Variants in MCUB observed in about 807,000 individuals in gnomAD.
MCUB encodes mitochondrial calcium uniporter dominant negative subunit beta.
A neutral mutation model predicts 41.4 loss-of-function variants in MCUB; 46 were observed. The observed-to-expected ratio is 1.11, with a 90% CI of 0.88 to 1.42. The LOEUF is 1.42. Among genes scored for constraint, MCUB ranks in the 40% most tolerant of loss-of-function variants. The probability of loss-of-function intolerance (pLI) is 0.00; values close to 1 mark genes in which losing one functional copy is unlikely to be tolerated. For missense variants in MCUB, 403 were observed against 404.9 expected (o/e 1.00, Z 0.04); for synonymous variants, 148 against 148.2 (o/e 1.00, Z 0.01).
chr4:109,595,614 G>A (rs1156781481), intron 1 of MCUB, among the ~76,000 whole-genome samples: 3 of 152,348 alleles, frequency 2.0e-5, no homozygotes, highest in African/African-American at 7.2e-5. Flanking sequence ...CACATTTCAG[G>A]TGCACCACAA....
intron 1 of MCUB, among the ~76,000 whole-genome samples, chr4:109,608,487 T>C (rs1310780831): frequency 6.6e-5 from 10 of 151,618 alleles, no homozygotes; most frequent in Non-Finnish European, 1.5e-4. Context: ...AAAAGTTAGG[T>C]TTTGTTTTGT....
At chr4:109,676,631 A>G (rs1043059445) in intron 4 of MCUB, among the ~76,000 whole-genome samples, 4 of 152,206 alleles carry the variant, frequency 2.6e-5, no homozygotes, top group African/African-American at 7.2e-5. Context: ...TATTTGTTAT[A>G]GCAGTAACTC....
At chr4:109,581,841 A>G (rs2126126794) in intron 1 of MCUB, among the ~76,000 whole-genome samples, 1 of 152,364 alleles carries the variant, frequency 6.6e-6, no homozygotes, top group Admixed American at 6.5e-5. Context: ...ACCATCTCAC[A>G]CCAGTTAGAA....
intron 1 of MCUB, among the ~76,000 whole-genome samples, chr4:109,641,288 T>G (rs1728709933): frequency 6.8e-6 from 1 of 146,466 alleles, no homozygotes; most frequent in Non-Finnish European, 1.5e-5. Context: ...TTTTTTTTAG[T>G]AGAGACGGGT....
intron 4 of MCUB, among the ~76,000 whole-genome samples, chr4:109,672,088 A>T (rs560100166): frequency 5.9e-4 from 90 of 151,942 alleles, no homozygotes; most frequent in African/African-American, 1.8e-3. Context: ...ATATATATAT[A>T]TTTTTAATTG....
intron 1 of MCUB, among the ~76,000 whole-genome samples, chr4:109,617,436 A>G (rs982801929): frequency 2.0e-5 from 3 of 152,178 alleles, no homozygotes; most frequent in African/African-American, 7.2e-5. Flanking sequence ...AGGGAGGACC[A>G]TGGCTGGGTA....
At chr4:109,649,463 C>A (rs1029450) in intron 1 of MCUB, among the ~76,000 whole-genome samples, 106,837 of 151,968 alleles carry the variant, frequency 0.7, 38,220 homozygotes, top group African/African-American at 0.83. Flanking sequence ...TTTCAGTAAA[C>A]ATGTTTTAGT....
At chr4:109,640,631 A>G (rs890953798) in intron 1 of MCUB, among the ~76,000 whole-genome samples, 1 of 152,176 alleles carries the variant, frequency 6.6e-6, no homozygotes, top group Non-Finnish European at 1.5e-5. Flanking sequence ...TTTTTCCTAC[A>G]GTTCTCTCAT....
chr4:109,651,275 C>T (rs1728954682), intron 1 of MCUB, among the ~76,000 whole-genome samples: 1 of 152,198 alleles, frequency 6.6e-6, no homozygotes, highest in Non-Finnish European at 1.5e-5. Context: ...CACCCTTTGA[C>T]CTGCCTTCTG....
At chr4:109,668,105 A>G (rs1490218943) in intron 4 of MCUB, among the ~76,000 whole-genome samples, 1 of 151,962 alleles carries the variant, frequency 6.6e-6, no homozygotes, top group Non-Finnish European at 1.5e-5. Context: ...GAGAATGTGT[A>G]TTGTGCTGTT....
chr4:109,673,793 TGGC>T lies in MCUB; in HGVS notation c.452-8786_452-8784del, dbSNP rs530748911. On this transcript the variant is annotated intron_variant, in intron 4 of 7. Coordinates refer to ENST00000394650, the MANE Select transcript of MCUB (RefSeq NM_017918.5). ...GAAAAGGAAAAGATCAGAAGCCGGT[TGGC>T]GGGTGAGAGGTTTTTTCGCTCTAGG... 1.3e-3 allele frequency: 838 copies of T among 643,170 alleles called. 6 individuals carry two copies. In the African/African-American group the frequency reaches 0.013, roughly 10 times the overall value. The allele number at this position is 643,170 out of a possible 1,614,324, so 39.8% of individuals were successfully genotyped here.
chr4:109,618,187 G>A (rs1375869243), intron 1 of MCUB, among the ~76,000 whole-genome samples: 1 of 152,204 alleles, frequency 6.6e-6, no homozygotes, highest in Non-Finnish European at 1.5e-5. Flanking sequence ...ACCCAGTGCA[G>A]CATTGGAGGA....
At chr4:109,618,102 A>G (rs1273727743) in intron 1 of MCUB, among the ~76,000 whole-genome samples, 4 of 152,218 alleles carry the variant, frequency 2.6e-5, no homozygotes, top group African/African-American at 9.7e-5. Flanking sequence ...AACCCAAGCT[A>G]TACCCAGTCT....
At chr4:109,572,578 T>C (rs1726938253) in intron 1 of MCUB, among the ~76,000 whole-genome samples, 1 of 152,152 alleles carries the variant, frequency 6.6e-6, no homozygotes. Context: ...TGTCTTAGTA[T>C]ATAATATCAT....
intron 1 of MCUB, among the ~76,000 whole-genome samples, chr4:109,590,453 TTAA>T (rs1260988658): frequency 6.6e-6 from 1 of 152,240 alleles, no homozygotes; most frequent in Non-Finnish European, 1.5e-5. Flanking sequence ...CTTCTTTTTA[TTAA>T]TAATTGGAAA....
intron 4 of MCUB, among the ~76,000 whole-genome samples, chr4:109,670,414 C>T (rs978519166): frequency 2.6e-5 from 4 of 151,978 alleles, no homozygotes; most frequent in African/African-American, 9.7e-5. Flanking sequence ...GTGGACAGTC[C>T]TTGTTAAGAG....
chr4:109,579,978 A>G (rs539240025), intron 1 of MCUB, among the ~76,000 whole-genome samples: 1 of 152,254 alleles, frequency 6.6e-6, no homozygotes, highest in Admixed American at 6.5e-5. Context: ...GGTTTGCTAC[A>G]CCCATTAACT....
At chr4:109,568,157 AT>A (rs1272769276) in intron 1 of MCUB, among the ~76,000 whole-genome samples, 1 of 152,200 alleles carries the variant, frequency 6.6e-6, no homozygotes, top group Non-Finnish European at 1.5e-5. Context: ...TTGTTAAGAC[AT>A]TTTGTAGTCT....
At chr4:109,568,583 C>T (rs887548499) in intron 1 of MCUB, among the ~76,000 whole-genome samples, 6 of 152,126 alleles carry the variant, frequency 3.9e-5, no homozygotes, top group Non-Finnish European at 7.4e-5. Flanking sequence ...GTTTCAATAG[C>T]CACCCCCCAT....
Sources: allele counts gnomAD v4.1 joint callset (sites outside exome capture counted in the v4.1 genomes callset), GRCh38; gene constraint gnomAD v4.1.1; transcripts MANE v1.5; gene names NCBI Gene and HGNC (gene_info 2026-07-23, HGNC 2026-07-21).